AP1AR: variants seen among roughly 807,000 people sequenced by gnomAD.
AP1AR encodes adaptor related protein complex 1 associated regulatory protein, also known as AP-1 complex-associated regulatory protein.
Under a neutral mutation model 46.3 loss-of-function variants are expected in AP1AR, and 29 were observed. The observed-to-expected ratio is 0.63, with a 90% CI of 0.47 to 0.85. The LOEUF (loss-of-function observed/expected upper bound fraction) is 0.85, where lower values mean the gene tolerates loss of function less well. AP1AR is among the 40% of genes least tolerant of loss of function. The pLI is 0.00. For missense variants in AP1AR, 357 were observed against 356.3 expected (o/e 1.00, Z -0.02); for synonymous variants, 122 against 122.9 (o/e 0.99, Z 0.05).
At chr4:112,249,370 A>AT (rs1553924996) in intron 1 of AP1AR, among the ~76,000 whole-genome samples, 3 of 150,602 alleles carry the variant, frequency 2.0e-5, no homozygotes, top group African/African-American at 7.4e-5. Flanking sequence ...AAAAAAAAAA[A>AT]ATGTATAGGC....
chr4:112,253,914 G>A (rs1014141387), intron 2 of AP1AR, among the ~76,000 whole-genome samples: 7 of 152,034 alleles, frequency 4.6e-5, no homozygotes, highest in Non-Finnish European at 7.4e-5. Context: ...ATATTAATAA[G>A]GAAATGTGTA....
intron 1 of AP1AR, among the ~76,000 whole-genome samples, chr4:112,237,851 C>T (rs530077548): frequency 1.3e-5 from 2 of 152,262 alleles, no homozygotes; most frequent in Admixed American, 6.5e-5. Context: ...CCGCTCCAAG[C>T]CCCTGAAACC....
At chr4:112,249,982 A>G (rs1451835677) in intron 1 of AP1AR, among the ~76,000 whole-genome samples, 1 of 152,230 alleles carries the variant, frequency 6.6e-6, no homozygotes, top group Non-Finnish European at 1.5e-5. Context: ...CAGGACCTTT[A>G]TCTGTTTGTT....
intron 9 of AP1AR, 120 bp downstream of exon 9, chr4:112,266,836 A>G: frequency 1.0e-6 from 1 of 974,356 alleles, no homozygotes; most frequent in Non-Finnish European, 1.4e-6. Flanking sequence ...AATCATATAA[A>G]CACTTTTTAG....
chr4:112,268,393 A>T lies in AP1AR; in HGVS notation c.893A>T (p.Asp298Val). The T allele has an allele frequency of 6.3e-7, 1 of 1,599,842 alleles. No homozygotes were observed. The highest frequency in any genetic ancestry group is 8.5e-7 in the Non-Finnish European group (1 of 1,172,530). The change falls in exon 10 of 10, where the codon GAT becomes GTT. Residue 298 changes from aspartate (D) to valine (V), a missense_variant. Transcript: ENST00000274000. Reference protein sequence around the residue: ...SDSGIRHSDTDQQTR With the variant: ...SDSGIRHSDTVQQTR Reference sequence around the variant, plus strand: ...TCTGGCATAAGGCATTCTGACACAGATCAACAGACTCGATAGGGTAAAATT... The same window carrying T: ...TCTGGCATAAGGCATTCTGACACAGTTCAACAGACTCGATAGGGTAAAATT...
chr4:112,247,529 T>G (rs1193347366), intron 1 of AP1AR, among the ~76,000 whole-genome samples: 2 of 152,178 alleles, frequency 1.3e-5, no homozygotes, highest in African/African-American at 2.4e-5. Flanking sequence ...GACAAATCCA[T>G]CCTAATTGTT....
At chr4:112,261,666 T>G (rs537488903) in intron 5 of AP1AR, among the ~76,000 whole-genome samples, 1 of 152,074 alleles carries the variant, frequency 6.6e-6, no homozygotes, top group Non-Finnish European at 1.5e-5. Flanking sequence ...TTTTTCTGTT[T>G]AAGACCGGGC....
chr4:112,232,126 T>A lies in AP1AR; in HGVS notation c.35T>A (p.Leu12Gln), dbSNP rs1019169184. The A allele has an allele frequency of 2.3e-6, 3 of 1,287,598 alleles. No homozygotes were observed. The highest frequency in any genetic ancestry group is 3.0e-6 in the Non-Finnish European group (3 of 1,008,942). 79.8% of individuals were successfully genotyped at this position (1,287,598 alleles called of 1,614,324 possible). A position where few individuals can be genotyped will look rare whatever the true frequency, so the allele number is the denominator to read the frequency against. ...GNCCWTQCFG[L>Q]LRKEAGRLQR... ...TGCTGCTGGACGCAGTGCTTCGGACTGCTTCGCAAGGAAGCGGGGCGGCTG... is the reference window on the plus strand; with the variant it reads ...TGCTGCTGGACGCAGTGCTTCGGACAGCTTCGCAAGGAAGCGGGGCGGCTG... Residue 12 changes from leucine to glutamine, a missense_variant, in exon 1 of 10, where the codon CTG becomes CAG. Leu to Gln is a moderately radical substitution (Grantham distance 113). Transcript: ENST00000274000.
chr4:112,260,856 A>C lies in AP1AR; in HGVS notation c.276A>C (p.Gln92His), dbSNP rs765526081. Residue 92 changes from glutamine (Q) to histidine (H), a missense_variant, in exon 5 of 10, where the codon CAA becomes CAC. By Grantham distance (24) the Gln-to-His change is conservative. This residue lies in a region of AP1AR where 269 missense variants were observed against 223.6 expected (regional missense o/e 1.20). Coordinates refer to ENST00000274000, the MANE Select transcript of AP1AR (RefSeq NM_018569.6). ...AAAAAGATCTTGATAAGAAAATTCA[A>C]AAAGAGGTAAATTGTCTTTTATATT... Reference protein sequence around the residue: ...EKQKDLDKKIQKELALQEEKL... With the variant: ...EKQKDLDKKIHKELALQEEKL... 1.2e-5 allele frequency: 19 copies of C among 1,573,786 alleles called. No individual in the cohort carries two copies. Among genetic ancestry groups the C allele is most frequent in the Middle Eastern group, 2.0e-4 (1 of 5,018 alleles).
intron 1 of AP1AR, among the ~76,000 whole-genome samples, chr4:112,233,481 T>TA (rs1002197088): frequency 3.9e-5 from 6 of 152,228 alleles, no homozygotes; most frequent in African/African-American, 1.4e-4. Flanking sequence ...GAATGAAACT[T>TA]ACAAGGTCAA....
intron 4 of AP1AR, among the ~76,000 whole-genome samples, chr4:112,259,184 T>G (rs1726335073): frequency 6.6e-6 from 1 of 152,162 alleles, no homozygotes; most frequent in African/African-American, 2.4e-5. Flanking sequence ...AATTGTGTAT[T>G]GTATTTGGCA....
chr4:112,257,779 G>A lies in AP1AR; in HGVS notation c.167G>A (p.Ser56Asn). Residue 56 changes from serine (S) to asparagine (N), a missense_variant, in exon 4 of 10, where the codon AGC becomes AAC. Transcript: ENST00000274000. ...ENLVESDEGE[S>N]PGSSHRPLTE... ...TAATTAATTTTTGTACAGGGGGAGA[G>A]CCCAGGAAGCAGTCATAGGTAAGGC... The A allele has an allele frequency of 1.9e-6, 3 of 1,560,512 alleles. No homozygotes were observed. Among genetic ancestry groups the A allele is most frequent in the Non-Finnish European group, 2.6e-6 (3 of 1,157,138 alleles).
chr4:112,235,668 C>T (rs1725208899), intron 1 of AP1AR, among the ~76,000 whole-genome samples: 1 of 152,218 alleles, frequency 6.6e-6, no homozygotes, highest in South Asian at 2.1e-4. Flanking sequence ...GTTGAACTTT[C>T]CCAAGATAGC....
intron 1 of AP1AR, among the ~76,000 whole-genome samples, chr4:112,247,831 T>C (rs1179391913): frequency 6.6e-6 from 1 of 152,218 alleles, no homozygotes; most frequent in African/African-American, 2.4e-5. Flanking sequence ...TTTTGTACTC[T>C]GTAGTGAAAT....
At chr4:112,265,156 C>A in intron 7 of AP1AR, 89 bp downstream of exon 7, 1 of 944,828 alleles carries the variant, frequency 1.1e-6, no homozygotes, top group Non-Finnish European at 1.6e-6. Flanking sequence ...TGTGTATATA[C>A]GCATTCATGT....
intron 1 of AP1AR, among the ~76,000 whole-genome samples, chr4:112,242,384 T>C (rs1277087060): frequency 1.3e-5 from 2 of 152,114 alleles, no homozygotes; most frequent in East Asian, 1.9e-4. Flanking sequence ...TGATGTCCTT[T>C]ATGTGTTTGA....
intron 4 of AP1AR, among the ~76,000 whole-genome samples, chr4:112,259,949 C>G (rs1726368379): frequency 6.6e-6 from 1 of 151,240 alleles, no homozygotes; most frequent in African/African-American, 2.4e-5. Flanking sequence ...GTGAAATTGC[C>G]TTTTAAGATA....
intron 1 of AP1AR, among the ~76,000 whole-genome samples, chr4:112,243,657 A>G (rs1408615559): frequency 6.6e-6 from 1 of 152,238 alleles, no homozygotes; most frequent in Admixed American, 6.5e-5. Context: ...TTATATGAAT[A>G]GGCCATAATT....
chr4:112,246,872 A>G (rs1725746941), intron 1 of AP1AR, among the ~76,000 whole-genome samples: 1 of 152,092 alleles, frequency 6.6e-6, no homozygotes, highest in Admixed American at 6.5e-5. Flanking sequence ...CTCTACCAAC[A>G]TTTCTTTCTC....
Sources: allele counts gnomAD v4.1 joint callset (sites outside exome capture counted in the v4.1 genomes callset), GRCh38; gene constraint gnomAD v4.1.1; regional missense constraint gnomAD v4.1.1; transcripts MANE v1.5; gene names NCBI Gene and HGNC (gene_info 2026-07-23, HGNC 2026-07-21).